The following COPG2 variants were observed in gnomAD, a reference collection of about 807,000 sequenced individuals.
COPG2 encodes coatomer subunit gamma-2.
A neutral mutation model predicts 46.3 loss-of-function variants in COPG2; 37 were observed. The ratio of observed to expected loss-of-function variants is 0.80; its 90% confidence interval spans 0.61 to 1.05. The LOEUF (loss-of-function observed/expected upper bound fraction) is 1.05. Among genes scored for constraint, COPG2 ranks in the 50% least tolerant of loss-of-function variants. The probability of loss-of-function intolerance (pLI) is 0.00; values close to 1 mark genes in which losing one functional copy is unlikely to be tolerated. For synonymous variants in COPG2, 159 were observed against 129.7 expected (o/e 1.23, Z -1.53); for missense variants, 427 against 387.8 (o/e 1.10, Z -0.85).
At chr7:130,589,764 TTC>T (rs782271679) in intron 9 of COPG2, among the ~76,000 whole-genome samples, 2 of 152,228 alleles carry the variant, frequency 1.3e-5, no homozygotes, top group African/African-American at 2.4e-5. Flanking sequence ...TAGTCTGCAT[TTC>T]TCTAATCAAT....
intron 4 of COPG2, among the ~76,000 whole-genome samples, chr7:130,660,517 T>A (rs1255673339): frequency 6.6e-6 from 1 of 152,130 alleles, no homozygotes; most frequent in Non-Finnish European, 1.5e-5. Context: ...TGGGGAAGCT[T>A]ATGCCTTTAT....
Position 130,666,943 on chromosome 7 carries a change from T to C in COPG2, c.91-14A>G. On this transcript the variant is annotated splice_polypyrimidine_tract_variant and intron_variant, in intron 2 of 23. Transcript: ENST00000425248. ...GAATATACGAGCCTATGAAAAAACATAAAAAACATTGCTACTTTTCTACCT... is the reference window on the plus strand; with the variant it reads ...GAATATACGAGCCTATGAAAAAACACAAAAAACATTGCTACTTTTCTACCT... 5 of 1,397,724 alleles carry C rather than the reference T, an allele frequency of 3.6e-6. No homozygotes were observed. The highest frequency in any genetic ancestry group is 1.4e-5 in the African/African-American group (1 of 69,400). 86.6% of individuals were successfully genotyped at this position (1,397,724 alleles called of 1,614,324 possible). A position where few individuals can be genotyped will look rare whatever the true frequency, so the allele number is the denominator to read the frequency against.
At chr7:130,585,286 C>T (rs1794243586) in intron 9 of COPG2, among the ~76,000 whole-genome samples, 1 of 151,914 alleles carries the variant, frequency 6.6e-6, no homozygotes, top group African/African-American at 2.4e-5. Flanking sequence ...GAAACTGGAT[C>T]CTCATCGCTT....
At chr7:130,530,406 T>A (rs1799812673) in intron 20 of COPG2, among the ~76,000 whole-genome samples, 2 of 150,968 alleles carry the variant, frequency 1.3e-5, no homozygotes. Flanking sequence ...AAGGCTTGAG[T>A]GGAAGAAGGG....
intron 5 of COPG2, 69 bp downstream of exon 5, chr7:130,652,800 A>G: frequency 2.0e-6 from 2 of 977,504 alleles, no homozygotes; most frequent in South Asian, 2.9e-5. Context: ...ATGGTCAAAA[A>G]ATGAAATCAA....
chr7:130,630,200 C>G (rs142079893), intron 5 of COPG2, among the ~76,000 whole-genome samples: 1 of 152,046 alleles, frequency 6.6e-6, no homozygotes, highest in South Asian at 2.1e-4. Context: ...TTTGAGCCAC[C>G]GCACCCGGCC....
intron 3 of COPG2, among the ~76,000 whole-genome samples, chr7:130,666,269 C>A (rs1252970384): frequency 1.3e-5 from 2 of 152,148 alleles, no homozygotes; most frequent in Non-Finnish European, 2.9e-5. Context: ...AAGAAAATAT[C>A]TGGAATTTGC....
intron 7 of COPG2, among the ~76,000 whole-genome samples, chr7:130,612,857 G>A (rs559150337): frequency 9.7e-4 from 148 of 152,132 alleles, no homozygotes; most frequent in African/African-American, 3.2e-3. Context: ...AAAAAGCAGA[G>A]GACAAAGAGA....
intron 9 of COPG2, among the ~76,000 whole-genome samples, chr7:130,582,148 G>A (rs1196697757): frequency 1.4e-5 from 2 of 146,668 alleles, no homozygotes; most frequent in African/African-American, 2.5e-5. Context: ...CCAAAACAGA[G>A]ATATAGATCA....
chr7:130,598,743 G>C (rs1203379581), intron 9 of COPG2, among the ~76,000 whole-genome samples: 4 of 152,158 alleles, frequency 2.6e-5, no homozygotes, highest in African/African-American at 2.4e-5. Context: ...TTCAGTATTA[G>C]CTGAACTACA....
intron 23 of COPG2, 92 bp from the exon 24 acceptor site, chr7:130,506,898 ATTAGT>A (rs1393691654): frequency 5.6e-5 from 36 of 646,112 alleles, no homozygotes; most frequent in African/African-American, 1.1e-4. Flanking sequence ...TCTCCTTTCT[ATTAGT>A]TTAGTTTAGC....
At chr7:130,535,615 C>T (rs1213055232) in intron 20 of COPG2, among the ~76,000 whole-genome samples, 2 of 115,872 alleles carry the variant, frequency 1.7e-5, no homozygotes, top group African/African-American at 6.6e-5. Context: ...CTCTTTACTA[C>T]GGATCCGGCA....
intron 20 of COPG2, among the ~76,000 whole-genome samples, chr7:130,535,512 A>G (rs1415144044): frequency 6.6e-6 from 1 of 151,718 alleles, no homozygotes; most frequent in African/African-American, 2.4e-5. Flanking sequence ...TGGGGAAGGG[A>G]AAGTGTGAAA....
chr7:130,608,538 T>C (rs1554451602), intron 9 of COPG2, among the ~76,000 whole-genome samples: 2 of 152,130 alleles, frequency 1.3e-5, no homozygotes, highest in African/African-American at 2.4e-5. Context: ...TGGTTGAAAA[T>C]GTTTTAATTT....
intron 17 of COPG2, 133 bp from the exon 18 acceptor site, chr7:130,549,509 T>C (rs1312896261): frequency 2.5e-6 from 1 of 396,442 alleles, no homozygotes; most frequent in Admixed American, 4.4e-5. Flanking sequence ...TACTTATAGG[T>C]TATCTATCAC....
intron 5 of COPG2, among the ~76,000 whole-genome samples, chr7:130,651,718 T>A (rs868992222): frequency 1.3e-5 from 2 of 150,570 alleles, no homozygotes; most frequent in African/African-American, 4.9e-5. Context: ...GGGTTTCACC[T>A]TGTTAGCCAG....
At chr7:130,642,319 A>C (rs868965834) in intron 5 of COPG2, among the ~76,000 whole-genome samples, 10 of 152,144 alleles carry the variant, frequency 6.6e-5, no homozygotes, top group Middle Eastern at 6.8e-3. Flanking sequence ...CAGTTTTGGC[A>C]ATTGTGATCA....
At chr7:130,587,157 A>G (rs1794291597) in intron 9 of COPG2, among the ~76,000 whole-genome samples, 1 of 151,822 alleles carries the variant, frequency 6.6e-6, no homozygotes, top group Admixed American at 6.6e-5. Context: ...AAATACAAAA[A>G]TTAGCCAGGC....
chr7:130,551,623 T>A (rs1269454959), intron 15 of COPG2, among the ~76,000 whole-genome samples: 4 of 152,216 alleles, frequency 2.6e-5, no homozygotes, highest in African/African-American at 9.6e-5. Flanking sequence ...GAGTCTTTTC[T>A]TCCATCTGTA....
Sources: gnomAD v4.1 joint callset for allele counts (sites outside exome capture counted in the v4.1 genomes callset) on GRCh38, gnomAD v4.1.1 for gene constraint, MANE v1.5 for transcripts, NCBI Gene and HGNC (gene_info 2026-07-23, HGNC 2026-07-21) for gene names.